Variants in SSX2IP observed in about 807,000 individuals in gnomAD.
The protein encoded by SSX2IP is SSX family member 2 interacting protein.
Under a neutral mutation model 84.9 loss-of-function variants are expected in SSX2IP, and 55 were observed. The observed-to-expected ratio is 0.65, with a 90% CI of 0.52 to 0.81. The LOEUF is 0.81. Among genes scored for constraint, SSX2IP ranks in the 30% least tolerant of loss-of-function variants. The pLI is 0.00. For synonymous variants in SSX2IP, 239 were observed against 234.7 expected (o/e 1.02, Z -0.17); for missense variants, 664 against 705.2 (o/e 0.94, Z 0.66).
intron 1 of SSX2IP, among the ~76,000 whole-genome samples, chr1:84,674,260 T>C (rs974107084): frequency 6.6e-6 from 1 of 152,158 alleles, no homozygotes; most frequent in Non-Finnish European, 1.5e-5. Flanking sequence ...CTGCTTGGCA[T>C]AGAAGACACA....
chr1:84,687,259 C>A (rs1339473445), intron 1 of SSX2IP, among the ~76,000 whole-genome samples: 1 of 152,142 alleles, frequency 6.6e-6, no homozygotes, highest in Non-Finnish European at 1.5e-5. Flanking sequence ...ATGTGTGAAG[C>A]AAGAGTTAAA....
At chr1:84,681,961 C>T (rs36090742) in intron 1 of SSX2IP, among the ~76,000 whole-genome samples, 46,164 of 152,082 alleles carry the variant, frequency 0.3, 8,611 homozygotes, top group East Asian at 0.46. Flanking sequence ...TGGACTCTCC[C>T]CCTGGCTTAA....
intron 1 of SSX2IP, among the ~76,000 whole-genome samples, chr1:84,676,412 C>A (rs1020193973): frequency 2.6e-5 from 4 of 152,140 alleles, no homozygotes; most frequent in Non-Finnish European, 5.9e-5. Context: ...TACCTTACTA[C>A]TTTTGAAGTA....
rs1649347271 is a variant in SSX2IP, at chr1:84,645,404, C to T, written c.*2029G>A. 1.3e-5 allele frequency: 2 copies of T among 152,166 alleles called. No individual in the cohort carries two copies. The highest frequency in any genetic ancestry group is 6.5e-5 in the Admixed American group (1 of 15,268). 9.4% of individuals were successfully genotyped at this position (152,166 alleles called of 1,614,324 possible). A position where few individuals can be genotyped will look rare whatever the true frequency, so the allele number is the denominator to read the frequency against. On this transcript the variant is annotated 3_prime_UTR_variant, in exon 14 of 14. Coordinates refer to ENST00000342203, the MANE Select transcript of SSX2IP (RefSeq NM_001166293.2). ...GAAGGTGCAATGAGTCTGGCTTTTA[C>T]TCTGCTGTTTCTTTCACACTTTAGA...
intron 1 of SSX2IP, among the ~76,000 whole-genome samples, chr1:84,682,832 C>A (rs1655267288): frequency 6.6e-6 from 1 of 152,134 alleles, no homozygotes; most frequent in Non-Finnish European, 1.5e-5. Context: ...AATGTGCACA[C>A]ATTGTCTTTA....
intron 4 of SSX2IP, among the ~76,000 whole-genome samples, chr1:84,669,012 C>T (rs542980664): frequency 8.1e-4 from 123 of 152,006 alleles, no homozygotes; most frequent in African/African-American, 2.8e-3. Context: ...AACCACCCCA[C>T]GATTTTGAAC....
At chr1:84,649,111 C>G (rs1242271035) in intron 13 of SSX2IP, among the ~76,000 whole-genome samples, 2 of 152,192 alleles carry the variant, frequency 1.3e-5, no homozygotes, top group South Asian at 2.1e-4. Flanking sequence ...CTAAAATATT[C>G]TGTAAATGAA....
chr1:84,674,366 G>T (rs912738621), intron 1 of SSX2IP, among the ~76,000 whole-genome samples: 1 of 152,080 alleles, frequency 6.6e-6, no homozygotes, highest in African/African-American at 2.4e-5. Context: ...AAAATGTACC[G>T]CTGCTCTTAA....
rs765106150 is a variant in SSX2IP, at chr1:84,655,812, A to C, written c.1389+20T>G. ...ACCCACCCCCAGTATTTTCAAAAGC[A>C]CTACAATTGTTTAAAATACCTCCAA... On this transcript the variant is annotated intron_variant, in intron 11 of 13. Coordinates refer to ENST00000342203, the MANE Select transcript of SSX2IP (RefSeq NM_001166293.2). The C allele has an allele frequency of 4.4e-6, 7 of 1,608,912 alleles. No homozygotes were observed. The highest frequency in any genetic ancestry group is 3.4e-5 in the Admixed American group (2 of 59,206).
intron 1 of SSX2IP, among the ~76,000 whole-genome samples, chr1:84,675,773 T>C (rs1401936571): frequency 1.3e-5 from 2 of 152,128 alleles, no homozygotes; most frequent in Admixed American, 1.3e-4. Flanking sequence ...TTCCTCTACT[T>C]CCCTCTCACA....
chr1:84,689,989 A>T lies in SSX2IP; in HGVS notation c.-90+382T>A, dbSNP rs546492795. On this transcript the variant is annotated intron_variant, in intron 1 of 13. Coordinates refer to ENST00000342203, the MANE Select transcript of SSX2IP (RefSeq NM_001166293.2). ...CCGCTGCTGAGACTCTGCAGCCCCAAATCGGCCATCCCCTCCTCCCCCACG... is the reference window on the plus strand; with the variant it reads ...CCGCTGCTGAGACTCTGCAGCCCCATATCGGCCATCCCCTCCTCCCCCACG... Among the ~76,000 whole-genome samples, 4 of 152,174 alleles carry T rather than the reference A, an allele frequency of 2.6e-5. No individual in the cohort carries two copies. The East Asian group carries it at 7.8e-4, about 30-fold the overall frequency.
rs1056406242 is a variant in SSX2IP at position 84,650,667 on chromosome 1, C to A, written c.1505-140G>T. 5 of 927,824 alleles carry A rather than the reference C, an allele frequency of 5.4e-6. No homozygotes were observed. In the African/African-American group the frequency reaches 8.3e-5, roughly 15 times the overall value. The allele number at this position is 927,824 out of a possible 1,614,324, so 57.5% of individuals were successfully genotyped here. On this transcript the variant is annotated intron_variant, in intron 12 of 13. Coordinates refer to ENST00000342203, the MANE Select transcript of SSX2IP (RefSeq NM_001166293.2). ...CAAATTCAAATTAATTATCATTAATCTTGCTTATCTTTGTTGCATAGTCCA... is the reference window on the plus strand; with the variant it reads ...CAAATTCAAATTAATTATCATTAATATTGCTTATCTTTGTTGCATAGTCCA...
intron 1 of SSX2IP, chr1:84,680,279 A>G (rs1319687554): frequency 6.6e-6 from 1 of 152,208 alleles, no homozygotes; most frequent in Non-Finnish European, 1.5e-5. Context: ...ACAGTACAGT[A>G]AAAGAGTTAA....
chr1:84,665,523 GTTTC>G (rs1425398891), intron 5 of SSX2IP, among the ~76,000 whole-genome samples: 2 of 152,084 alleles, frequency 1.3e-5, no homozygotes, highest in Non-Finnish European at 2.9e-5. Context: ...AAACATAATA[GTTTC>G]TTTCTACACA....
chr1:84,681,794 A>G (rs1201273137), intron 1 of SSX2IP, among the ~76,000 whole-genome samples: 1 of 152,200 alleles, frequency 6.6e-6, no homozygotes, highest in East Asian at 1.9e-4. Flanking sequence ...ATATGTACGC[A>G]TACCCATGAG....
At chr1:84,670,270 T>C (rs767941353) in intron 3 of SSX2IP, 30 of 173,710 alleles carry the variant, frequency 1.7e-4, no homozygotes, top group Non-Finnish European at 2.6e-4. Flanking sequence ...CTTAGAAAAA[T>C]AGAAAACTAT....
At position 84,647,560 on chromosome 1, in the gene SSX2IP, T is replaced by G; in HGVS notation, c.1718A>C (p.Gln573Pro). Residue 573 changes from glutamine (Q) to proline (P), a missense_variant, in exon 14 of 14, where the codon CAG (glutamine) becomes CCG (proline). Gln to Pro is a moderately conservative substitution (Grantham distance 76). Coordinates refer to ENST00000342203, the MANE Select transcript of SSX2IP (RefSeq NM_001166293.2). ...NITAEEIKPN[Q>P]VGGECTNQKW... ...TTGATTTGTACATTCTCCTCCAACC[T>G]GATTTGGTTTAATTTCTTCAGCAGT... 6.2e-7 allele frequency: 1 copy of G among 1,612,058 alleles called. No homozygotes were observed. Among genetic ancestry groups the G allele is most frequent in the Non-Finnish European group, 8.5e-7 (1 of 1,178,980 alleles).
At chr1:84,672,555 C>G (rs1653730533) in intron 1 of SSX2IP, among the ~76,000 whole-genome samples, 1 of 152,102 alleles carries the variant, frequency 6.6e-6, no homozygotes, top group African/African-American at 2.4e-5. Context: ...ATCAGTTCAT[C>G]AAGTTGTACA....
At chr1:84,658,070 A>T (rs918131364) in intron 9 of SSX2IP, 1 of 359,070 alleles carries the variant, frequency 2.8e-6, no homozygotes, top group Non-Finnish European at 5.0e-6. Flanking sequence ...TGGGAGGCGG[A>T]GGTTACAGTG....
Sources: gnomAD v4.1 joint callset for allele counts (sites outside exome capture counted in the v4.1 genomes callset) on GRCh38, gnomAD v4.1.1 for gene constraint, MANE v1.5 for transcripts, NCBI Gene and HGNC (gene_info 2026-07-23, HGNC 2026-07-21) for gene names.